SOBP: variants seen among roughly 807,000 people sequenced by gnomAD.
The protein encoded by SOBP is sine oculis binding protein homolog.
SOBP carries 4 observed loss-of-function variants against 53.6 expected under a neutral mutation model. The ratio of observed to expected loss-of-function variants is 0.07; its 90% confidence interval spans 0.04 to 0.17. SOBP has a LOEUF of 0.17. Ranked by LOEUF, SOBP falls within the 10% of genes least tolerant of loss-of-function variation. SOBP has a pLI of 1.00. For synonymous variants in SOBP, 584 were observed against 522.6 expected (o/e 1.12, Z -1.60); for missense variants, 1,088 against 1,204.7 (o/e 0.90, Z 1.43).
rs774810579 is a variant in SOBP, at chr6:107,635,326, A to C, written c.2482A>C (p.Ile828Leu). ...LRMLPKTGCV[I>L]QPVPKPAEKA... ...GATGCTGCCCAAGACCGGCTGCGTG[A>C]TCCAGCCTGTGCCAAAACCCGCGGA... The change falls in exon 6 of 7, where the codon ATC becomes CTC. Residue 828 changes from isoleucine (I) to leucine (L), a missense_variant. By Grantham distance (5) the Ile-to-Leu change is conservative. This residue lies in a region of SOBP where 665 missense variants were observed against 629.7 expected (regional missense o/e 1.06). Coordinates refer to ENST00000317357, the MANE Select transcript of SOBP (RefSeq NM_018013.4). This position sits in a 1 kb window ranked among gnomAD's most constrained non-coding sequence, Gnocchi z 4.5. 1 of 1,613,524 alleles carries C rather than the reference A, an allele frequency of 6.2e-7. No homozygotes were observed. The highest frequency in any genetic ancestry group is 2.2e-5 in the East Asian group (1 of 44,858).
intron 4 of SOBP, among the ~76,000 whole-genome samples, chr6:107,552,642 C>G (rs571014436): frequency 6.6e-6 from 1 of 152,296 alleles, no homozygotes; most frequent in South Asian, 2.1e-4. Context: ...AGGCCTGTTC[C>G]ACATAGCTGT....
chr6:107,564,690 C>G (rs1262006437), intron 4 of SOBP, among the ~76,000 whole-genome samples: 1 of 151,386 alleles, frequency 6.6e-6, no homozygotes, highest in Non-Finnish European at 1.5e-5. Flanking sequence ...CAGAGTTTCC[C>G]AGCTCTCAGA....
chr6:107,597,704 T>C (rs1235317717), intron 5 of SOBP, among the ~76,000 whole-genome samples: 4 of 152,234 alleles, frequency 2.6e-5, no homozygotes, highest in Non-Finnish European at 5.9e-5. Flanking sequence ...GCATTTTGAT[T>C]TTTAAACAAT....
At chr6:107,563,932 C>T (rs1000259441) in intron 4 of SOBP, among the ~76,000 whole-genome samples, 3 of 152,160 alleles carry the variant, frequency 2.0e-5, no homozygotes, top group Non-Finnish European at 4.4e-5. Context: ...GGTAGGGTTG[C>T]GGAGCCTCTC....
At chr6:107,632,792 A>G (rs983502529) in intron 5 of SOBP, among the ~76,000 whole-genome samples, 4 of 152,226 alleles carry the variant, frequency 2.6e-5, no homozygotes, top group Non-Finnish European at 4.4e-5. Context: ...CTTTTGGAAA[A>G]TGTTCTCTGG....
At chr6:107,529,866 G>A (rs899670631) in intron 3 of SOBP, among the ~76,000 whole-genome samples, 2 of 152,146 alleles carry the variant, frequency 1.3e-5, no homozygotes, top group Admixed American at 1.3e-4. Flanking sequence ...AGATTGGAAA[G>A]AAAATGCCTT....
intron 5 of SOBP, among the ~76,000 whole-genome samples, chr6:107,600,645 G>A (rs534508607): frequency 3.9e-5 from 6 of 152,192 alleles, no homozygotes; most frequent in Non-Finnish European, 8.8e-5. Context: ...GAAGCCTGAG[G>A]ATAAAGGCCT....
At chr6:107,624,696 A>G (rs1770378424) in intron 5 of SOBP, among the ~76,000 whole-genome samples, 1 of 152,194 alleles carries the variant, frequency 6.6e-6, no homozygotes, top group African/African-American at 2.4e-5. Flanking sequence ...TTGCTATGGT[A>G]TGAATCACTC....
intron 5 of SOBP, among the ~76,000 whole-genome samples, chr6:107,623,250 CAGGA>C (rs768280109): frequency 2.0e-5 from 3 of 152,134 alleles, no homozygotes; most frequent in Admixed American, 6.5e-5. Flanking sequence ...GAAATTAGAT[CAGGA>C]AGGCTAGGCT....
chr6:107,623,415 G>C (rs984989328), intron 5 of SOBP, among the ~76,000 whole-genome samples: 2 of 152,094 alleles, frequency 1.3e-5, no homozygotes, highest in African/African-American at 4.8e-5. Flanking sequence ...AAAAGGCAGG[G>C]CTCGGCAAAT....
intron 5 of SOBP, among the ~76,000 whole-genome samples, chr6:107,594,480 T>TA (rs796972706): frequency 2.5e-4 from 36 of 143,922 alleles, no homozygotes; most frequent in East Asian, 8.0e-4. Flanking sequence ...GCACTAAGCT[T>TA]AAAAAAAAAA....
chr6:107,599,326 C>A (rs1210990287), intron 5 of SOBP, among the ~76,000 whole-genome samples: 2 of 152,076 alleles, frequency 1.3e-5, no homozygotes, highest in African/African-American at 4.8e-5. Context: ...TCCTTTTGGA[C>A]TCAACTTTTT....
intron 3 of SOBP, among the ~76,000 whole-genome samples, chr6:107,526,114 AT>A (rs201503301): frequency 2.0e-5 from 3 of 149,172 alleles, no homozygotes; most frequent in Admixed American, 6.7e-5. Flanking sequence ...TGCCTGGCTA[AT>A]TTTTTTTTTG....
chr6:107,647,848 A>C (rs541029416), intron 6 of SOBP, among the ~76,000 whole-genome samples: 1 of 152,198 alleles, frequency 6.6e-6, no homozygotes, highest in African/African-American at 2.4e-5. Flanking sequence ...CAGGAAGCCA[A>C]TTCCAGAGAG....
At chr6:107,519,879 A>G (rs1226055584) in intron 3 of SOBP, among the ~76,000 whole-genome samples, 2 of 152,130 alleles carry the variant, frequency 1.3e-5, no homozygotes, top group Non-Finnish European at 2.9e-5. Context: ...AAGCACCTAC[A>G]TGCAAGTCTT....
intron 5 of SOBP, among the ~76,000 whole-genome samples, chr6:107,624,447 TATG>T (rs1770367360): frequency 6.6e-6 from 1 of 152,146 alleles, no homozygotes; most frequent in Non-Finnish European, 1.5e-5. Context: ...CTGGAGCAAA[TATG>T]ATGACTCCTT....
chr6:107,530,094 A>T (rs1783775385), intron 3 of SOBP, among the ~76,000 whole-genome samples: 1 of 152,210 alleles, frequency 6.6e-6, no homozygotes, highest in African/African-American at 2.4e-5. Flanking sequence ...AATGTCATGT[A>T]AAAATCTGTT....
At chr6:107,532,241 T>TCTCTCACACACA (rs373567492) in intron 3 of SOBP, among the ~76,000 whole-genome samples, 5 of 139,648 alleles carry the variant, frequency 3.6e-5, no homozygotes, top group Admixed American at 7.4e-5. Context: ...TCTCTCTCTC[T>TCTCTCACACACA]CACACACACA....
chr6:107,505,464 A>C (rs1273339551), intron 2 of SOBP, among the ~76,000 whole-genome samples: 1 of 151,904 alleles, frequency 6.6e-6, no homozygotes. Context: ...CTGGGATTAC[A>C]GGCGTGCGCC....
Sources: allele counts gnomAD v4.1 joint callset (sites outside exome capture counted in the v4.1 genomes callset), GRCh38; gene constraint gnomAD v4.1.1; regional missense constraint gnomAD v4.1.1; non-coding constraint Gnocchi (gnomAD v3.1); transcripts MANE v1.5; gene names NCBI Gene and HGNC (gene_info 2026-07-23, HGNC 2026-07-21).